LARGE1: variants seen among roughly 807,000 people sequenced by gnomAD.
The protein encoded by LARGE1 is LARGE xylosyl- and glucuronyltransferase 1.
Under a neutral mutation model 87.6 loss-of-function variants are expected in LARGE1, and 43 were observed. The ratio of observed to expected loss-of-function variants is 0.49; its 90% CI spans 0.38 to 0.63. LARGE1 has a LOEUF of 0.63. Among genes scored for constraint, LARGE1 ranks in the 30% least tolerant of loss-of-function variants. The pLI, the probability that LARGE1 is intolerant of heterozygous loss-of-function variation, is 0.00. For synonymous variants in LARGE1, 434 were observed against 394.6 expected, an observed-to-expected ratio of 1.10 and a Z score of -1.18; for missense variants, 802 against 1,000.2, an observed-to-expected ratio of 0.80 and a Z score of 2.67.
At chr22:33,711,825 ATTGTT>A (rs570014525) in intron 2 of LARGE1, among the ~76,000 whole-genome samples, 91 of 151,914 alleles carry the variant, frequency 6.0e-4, no homozygotes, top group Non-Finnish European at 1.1e-3. Context: ...TTTTATTTTT[ATTGTT>A]TTATTTTTTT....
intron 6 of LARGE1, among the ~76,000 whole-genome samples, chr22:33,551,212 C>T (rs953934635): frequency 6.6e-6 from 1 of 152,110 alleles, no homozygotes; most frequent in African/African-American, 2.4e-5. Context: ...TAAAAACACA[C>T]AAAGACATAT....
At chr22:33,568,144 A>C (rs1248267993) in intron 5 of LARGE1, among the ~76,000 whole-genome samples, 1 of 152,218 alleles carries the variant, frequency 6.6e-6, no homozygotes, top group East Asian at 1.9e-4. Context: ...TGGAATCCAG[A>C]GAGAATTGCT....
At chr22:33,827,133 C>T (rs1334614845) in intron 1 of LARGE1, among the ~76,000 whole-genome samples, 1 of 151,726 alleles carries the variant, frequency 6.6e-6, no homozygotes, top group Non-Finnish European at 1.5e-5. Context: ...GAGGCCGAGG[C>T]GGGCAGATCA....
intron 6 of LARGE1, among the ~76,000 whole-genome samples, chr22:33,554,979 C>A (rs2077632694): frequency 6.6e-6 from 1 of 152,098 alleles, no homozygotes; most frequent in Non-Finnish European, 1.5e-5. Flanking sequence ...CTGAGTTAGC[C>A]CACCACACCC....
chr22:33,110,844 G>C, the LARGE1 span, among the ~76,000 whole-genome samples: 9 of 152,122 alleles, frequency 5.9e-5, no homozygotes, highest in Admixed American at 1.3e-4. Context: ...CAAGCTGATG[G>C]TGGTTTGAGT....
chr22:33,541,900 T>C (rs774070195), intron 6 of LARGE1, among the ~76,000 whole-genome samples: 3 of 152,028 alleles, frequency 2.0e-5, no homozygotes, highest in Non-Finnish European at 2.9e-5. Flanking sequence ...CAGTGGCTCA[T>C]GTCTATAATC....
At chr22:33,355,053 G>A (rs1940763456) in intron 9 of LARGE1, among the ~76,000 whole-genome samples, 1 of 152,152 alleles carries the variant, frequency 6.6e-6, no homozygotes, top group Non-Finnish European at 1.5e-5. Flanking sequence ...GTAAAAATAT[G>A]TTTGCATTGG....
At chr22:33,075,237 T>C in the LARGE1 span, among the ~76,000 whole-genome samples, 2 of 152,224 alleles carry the variant, frequency 1.3e-5, no homozygotes, top group East Asian at 1.9e-4. Flanking sequence ...TGGTAGCTAT[T>C]ATGTGATAGA....
At chr22:33,185,948 T>G (rs1209001493) in intron 11 of LARGE1, among the ~76,000 whole-genome samples, 1 of 152,118 alleles carries the variant, frequency 6.6e-6, no homozygotes, top group Non-Finnish European at 1.5e-5. Context: ...GAAAAATTAC[T>G]AGAATTTCTA....
chr22:33,613,020 T>G (rs1243973710), intron 4 of LARGE1, among the ~76,000 whole-genome samples: 1 of 152,204 alleles, frequency 6.6e-6, no homozygotes, highest in East Asian at 1.9e-4. Flanking sequence ...CAATACTAGG[T>G]GTCTGCATTG....
At chr22:33,678,974 T>C (rs117691725) in intron 2 of LARGE1, among the ~76,000 whole-genome samples, 2,888 of 152,238 alleles carry the variant, frequency 0.019, 45 homozygotes, top group South Asian at 0.049. Flanking sequence ...CCTTAGAGCT[T>C]TGTATAAAAA....
At chr22:33,208,534 G>A (rs191072136) in intron 11 of LARGE1, among the ~76,000 whole-genome samples, 1 of 152,108 alleles carries the variant, frequency 6.6e-6, no homozygotes, top group Admixed American at 6.5e-5. Flanking sequence ...AGAAAGAAGA[G>A]TCTCAAATGG....
intron 6 of LARGE1, among the ~76,000 whole-genome samples, chr22:33,493,963 G>A (rs140543229): frequency 1.6e-4 from 24 of 152,362 alleles, no homozygotes; most frequent in Non-Finnish European, 2.1e-4. Flanking sequence ...AAAGTACGCA[G>A]CAGTTGCTCA....
intron 12 of LARGE1, among the ~76,000 whole-genome samples, chr22:33,300,104 T>C (rs774029334): frequency 2.6e-5 from 4 of 152,228 alleles, no homozygotes; most frequent in Non-Finnish European, 4.4e-5. Context: ...AGCCGAGGGC[T>C]GCCAGTCGGC....
intron 11 of LARGE1, among the ~76,000 whole-genome samples, chr22:33,311,226 C>T (rs924445138): frequency 5.3e-5 from 8 of 152,172 alleles, no homozygotes; most frequent in Non-Finnish European, 1.2e-4. Context: ...TCCCAAAGTG[C>T]TGGGATTACA....
At chr22:33,736,980 C>T (rs1019293467) in intron 2 of LARGE1, among the ~76,000 whole-genome samples, 5 of 152,172 alleles carry the variant, frequency 3.3e-5, no homozygotes, top group African/African-American at 1.2e-4. Context: ...ATGACTCTGG[C>T]TTCCCACAAA....
At chr22:33,473,911 T>C (rs1167502716) in intron 6 of LARGE1, among the ~76,000 whole-genome samples, 1 of 152,232 alleles carries the variant, frequency 6.6e-6, no homozygotes, top group Admixed American at 6.5e-5. Flanking sequence ...GTGCAGCTGA[T>C]ACCAAGGCAC....
chr22:33,109,887 T>C, the LARGE1 span, among the ~76,000 whole-genome samples: 1 of 152,204 alleles, frequency 6.6e-6, no homozygotes, highest in African/African-American at 2.4e-5. Flanking sequence ...GCCATAATTG[T>C]AAGATTCCTG....
At chr22:33,540,354 G>A (rs2077158288) in intron 6 of LARGE1, among the ~76,000 whole-genome samples, 1 of 152,174 alleles carries the variant, frequency 6.6e-6, no homozygotes, top group Non-Finnish European at 1.5e-5. Flanking sequence ...GCCAACCTCA[G>A]CTCGGCTGTG....
Sources: gnomAD v4.1 joint callset for allele counts (sites outside exome capture counted in the v4.1 genomes callset) on GRCh38, gnomAD v4.1.1 for gene constraint, MANE v1.5 for transcripts, NCBI Gene and HGNC (gene_info 2026-07-23, HGNC 2026-07-21) for gene names.